The following PTCHD1 variants were observed in gnomAD, a reference collection of about 807,000 sequenced individuals.
PTCHD1 encodes the protein patched domain containing 1.
In PTCHD1, 3 loss-of-function variants were observed where a neutral mutation model predicts 34.6. The observed-to-expected ratio is 0.09, with a 90% CI of 0.04 to 0.22. The LOEUF (loss-of-function observed/expected upper bound fraction) is 0.22, where lower values mean the gene tolerates loss of function less well. Ranked by LOEUF, PTCHD1 falls within the 10% of genes least tolerant of loss-of-function variation. The pLI is 1.00. For missense variants in PTCHD1, 504 were observed against 685.5 expected (o/e 0.74, Z 2.96); for synonymous variants, 305 against 283.1 (o/e 1.08, Z -0.77).
intron 1 of PTCHD1, among the ~76,000 whole-genome samples, chrX:23,336,861 CTG>C (rs1196731734): frequency 1.8e-5 from 2 of 111,778 alleles, no homozygotes; most frequent in African/African-American, 6.5e-5. Flanking sequence ...CATAAGGAAA[CTG>C]TAATTTAACC....
chrX:23,349,133 A>T (rs1393797249), intron 1 of PTCHD1, among the ~76,000 whole-genome samples: 1 of 111,421 alleles, frequency 9.0e-6, no homozygotes, highest in East Asian at 2.8e-4. Flanking sequence ...ACCACTAAAA[A>T]TTTTTTTAAA....
rs1023947739 is a variant in PTCHD1 at position 23,399,741 on chromosome X, A to C, written c.*5556A>C. 8.9e-5 allele frequency: 10 copies of C among 112,206 alleles called. No individual in the cohort carries two copies. Among genetic ancestry groups the C allele is most frequent in the African/African-American group, 3.2e-4 (10 of 30,891 alleles). The allele number at this position is 112,206 out of a possible 1,213,427, so 9.2% of individuals were successfully genotyped here. A position where few individuals can be genotyped will look rare whatever the true frequency, so the allele number is the denominator to read the frequency against. On this transcript the variant is annotated 3_prime_UTR_variant, in exon 3 of 3. Coordinates refer to ENST00000379361, the MANE Select transcript of PTCHD1 (RefSeq NM_173495.3). ...CAATTCATGTTCTAGCAGCAGCTAAATATGCCCTCCACAGCAGGACCAGGA... is the reference window on the plus strand; with the variant it reads ...CAATTCATGTTCTAGCAGCAGCTAACTATGCCCTCCACAGCAGGACCAGGA...
rs934951177 is a variant in PTCHD1, at chrX:23,385,635, G to A, written c.1012+5384G>A. ...GATGGATATACAGAAGCTCACAACCGAAACAGGTTCACAGTTATTGTCAAG... is the reference window on the plus strand; with the variant it reads ...GATGGATATACAGAAGCTCACAACCAAAACAGGTTCACAGTTATTGTCAAG... On this transcript the variant is annotated intron_variant, in intron 2 of 2. Transcript: ENST00000379361. Among the ~76,000 whole-genome samples, 6 of 111,713 alleles carry A rather than the reference G, an allele frequency of 5.4e-5. No homozygotes were observed. In the South Asian group the frequency reaches 1.9e-3, roughly 35 times the overall value.
chrX:23,402,953 CAAAA>C lies in PTCHD1; in HGVS notation c.*8771_*8774del, dbSNP rs1923159105. 8.9e-6 allele frequency: 1 copy of C among 111,827 alleles called. No individual in the cohort carries two copies. The highest frequency in any genetic ancestry group is 3.2e-5 in the African/African-American group (1 of 30,831). The allele number at this position is 111,827 out of a possible 1,213,427, so 9.2% of individuals were successfully genotyped here. On this transcript the variant is annotated 3_prime_UTR_variant, in exon 3 of 3. Transcript: ENST00000379361. ...AGTCCAATTGTAGTAGGTGAGAAAA[CAAAA>C]AAGAAGAGAAGCTATGTTGAATATT...
chrX:23,360,048 T>A (rs1029964787), intron 1 of PTCHD1, among the ~76,000 whole-genome samples: 3 of 112,285 alleles, frequency 2.7e-5, no homozygotes, highest in Non-Finnish European at 5.6e-5. Context: ...AGATTCAGTT[T>A]ACTAGTATTT....
chrX:23,365,622 G>C (rs1315987199), intron 1 of PTCHD1, among the ~76,000 whole-genome samples: 1 of 111,845 alleles, frequency 8.9e-6, no homozygotes, highest in Non-Finnish European at 1.9e-5. Flanking sequence ...TCACCCCAAA[G>C]TGATCCCACC....
chrX:23,389,313 C>T (rs753939691), intron 2 of PTCHD1, among the ~76,000 whole-genome samples: 4 of 111,629 alleles, frequency 3.6e-5, no homozygotes, highest in African/African-American at 6.5e-5. Flanking sequence ...GATAACAGGC[C>T]GACCTCTTCA....
Position 23,353,688 on chromosome X carries a change from G to A in PTCHD1, c.351+18462G>A, listed in dbSNP as rs758221749. ...TTCCATCATCATCTGAGATGAACAC[G>A]GGCTCCATCATTTATTCGTAGCGGA... On this transcript the variant is annotated intron_variant, in intron 1 of 2. Transcript: ENST00000379361. Among the ~76,000 whole-genome samples, 4 of 112,293 alleles carry A rather than the reference G, an allele frequency of 3.6e-5. No homozygotes were observed. In the East Asian group the frequency reaches 8.3e-4, roughly 23 times the overall value.
rs34539351 is a variant in PTCHD1 at position 23,394,409 on chromosome X, G to GACACACACACACACACAC, written c.*249_*266dup. The stretch of plus-strand genomic sequence containing the variant: ...TGTTATGAGAATTCACACACACATA[G>GACACACACACACACACAC]ACACACACACACACACACACACACA... On this transcript the variant is annotated 3_prime_UTR_variant, in exon 3 of 3. Transcript: ENST00000379361. The GACACACACACACACACAC allele has an allele frequency of 0.015, 3,049 of 199,742 alleles. 61 individuals carry two copies. Among genetic ancestry groups the GACACACACACACACACAC allele is most frequent in the East Asian group, 0.021 (208 of 10,042 alleles). The allele number at this position is 199,742 out of a possible 1,213,427, so 16.5% of individuals were successfully genotyped here.
Position 23,397,896 on chromosome X carries a change from G to T in PTCHD1, c.*3711G>T, listed in dbSNP as rs951608025. 2 of 111,453 alleles carry T rather than the reference G, an allele frequency of 1.8e-5. No homozygotes were observed. The highest frequency in any genetic ancestry group is 6.5e-5 in the African/African-American group (2 of 30,610). 9.2% of individuals were successfully genotyped at this position (111,453 alleles called of 1,213,427 possible). ...TTCCTCATAATGGCTTTATTCTTTT[G>T]GATCCTATTAAAGTACCCCTGTAGC... On this transcript the variant is annotated 3_prime_UTR_variant, in exon 3 of 3. Coordinates refer to ENST00000379361, the MANE Select transcript of PTCHD1 (RefSeq NM_173495.3).
chrX:23,353,827 C>T (rs1921721570), intron 1 of PTCHD1, among the ~76,000 whole-genome samples: 1 of 111,882 alleles, frequency 8.9e-6, no homozygotes, highest in African/African-American at 3.2e-5. Flanking sequence ...AGTTAGGAAG[C>T]TGTTTCTGCC....
At chrX:23,384,860 T>C (rs375213336) in intron 2 of PTCHD1, among the ~76,000 whole-genome samples, 3 of 111,867 alleles carry the variant, frequency 2.7e-5, no homozygotes, top group East Asian at 2.8e-4. Context: ...CTGGTCATTT[T>C]TGAGCTACAA....
chrX:23,350,060 T>TAAAAAAAAAAAAAAAAA, intron 1 of PTCHD1, among the ~76,000 whole-genome samples: 1 of 40,414 alleles, frequency 2.5e-5, no homozygotes, highest in South Asian at 2.8e-3. Context: ...TTAGTGCTGT[T>TAAAAAAAAAAAAAAAAA]AAAAAAAAAA....
At chrX:23,375,438 CA>C (rs1569138968) in intron 1 of PTCHD1, among the ~76,000 whole-genome samples, 4 of 111,603 alleles carry the variant, frequency 3.6e-5, no homozygotes, top group African/African-American at 6.5e-5. Flanking sequence ...AACAGGCGCA[CA>C]CACCACCACG....
chrX:23,393,016 G>A lies in PTCHD1; in HGVS notation c.1498G>A (p.Val500Ile). 1.7e-6 allele frequency: 2 copies of A among 1,211,482 alleles called. No homozygotes were observed. Among genetic ancestry groups the A allele is most frequent in the Non-Finnish European group, 2.2e-6 (2 of 895,085 alleles). The change falls in exon 3 of 3, where the codon GTC becomes ATC. Residue 500 changes from valine to isoleucine, a missense_variant. Physicochemically the swap from Val to Ile is conservative, Grantham distance 29. Coordinates refer to ENST00000379361, the MANE Select transcript of PTCHD1 (RefSeq NM_173495.3). ...CTGTGACTGGATAACCAACACCTAT[G>A]TCAAGCCTTTTGTAGTTCTCTTTTA... ...YYCDWITNTY[V>I]KPFVVLFYLI...
At chrX:23,356,962 C>T (rs1921825314) in intron 1 of PTCHD1, among the ~76,000 whole-genome samples, 1 of 111,801 alleles carries the variant, frequency 8.9e-6, no homozygotes, top group Non-Finnish European at 1.9e-5. Flanking sequence ...AACAACACTA[C>T]AAGATAGTAA....
chrX:23,371,854 G>A (rs1189644160), intron 1 of PTCHD1, among the ~76,000 whole-genome samples: 1 of 111,600 alleles, frequency 9.0e-6, no homozygotes, highest in African/African-American at 3.3e-5. Flanking sequence ...TTGTATTTGT[G>A]TAGCTCTCAA....
Position 23,393,300 on chromosome X carries a change from C to A in PTCHD1, c.1782C>A (p.Tyr594Ter). 8.3e-7 allele frequency: 1 copy of A among 1,211,360 alleles called. No homozygotes were observed. Among genetic ancestry groups the A allele is most frequent in the Non-Finnish European group, 1.1e-6 (1 of 895,039 alleles). The part of the protein sequence containing the change: ...RISWFESYLN[Y>*]LRKLNVSTGL... ...CCTGGTTTGAGAGCTATTTAAATTACCTTCGGAAACTCAATGTATCCACTG... is the reference window on the plus strand; with the variant it reads ...CCTGGTTTGAGAGCTATTTAAATTAACTTCGGAAACTCAATGTATCCACTG... The change falls in exon 3 of 3, where the codon TAC becomes TAA. Residue 594 changes from tyrosine (Y) to a stop codon, truncating the protein, a stop_gained. Coordinates refer to ENST00000379361, the MANE Select transcript of PTCHD1 (RefSeq NM_173495.3). LOFTEE classifies it high-confidence loss of function.
rs1415359649 is a variant in PTCHD1 at position 23,397,452 on chromosome X, C to G, written c.*3267C>G. The G allele has an allele frequency of 3.6e-5, 4 of 112,313 alleles. No individual in the cohort carries two copies. The highest frequency in any genetic ancestry group is 1.3e-4 in the African/African-American group (4 of 30,928). 9.3% of individuals were successfully genotyped at this position (112,313 alleles called of 1,213,427 possible). On this transcript the variant is annotated 3_prime_UTR_variant, in exon 3 of 3. Coordinates refer to ENST00000379361, the MANE Select transcript of PTCHD1 (RefSeq NM_173495.3). Reference sequence around the variant, plus strand: ...AGACAAACCCTCGTGAAATGTTTCTCCATTGTTCCAGCTCATAAGTTTTAC... The same window carrying G: ...AGACAAACCCTCGTGAAATGTTTCTGCATTGTTCCAGCTCATAAGTTTTAC...
Sources: allele counts gnomAD v4.1 joint callset (sites outside exome capture counted in the v4.1 genomes callset), GRCh38; gene constraint gnomAD v4.1.1; transcripts MANE v1.5; gene names NCBI Gene and HGNC (gene_info 2026-07-23, HGNC 2026-07-21).